Variants in ARSB observed in about 807,000 individuals in gnomAD.
ARSB encodes the protein arylsulfatase B, also known as N-acetylgalactosamine-4-sulfatase.
A neutral mutation model predicts 50.9 loss-of-function variants in ARSB; 41 were observed. The ratio of observed to expected loss-of-function variants is 0.81; its 90% CI spans 0.63 to 1.04. ARSB has a LOEUF of 1.04. ARSB is among the 50% of genes least tolerant of loss of function. The pLI is 0.00. For missense variants in ARSB, 672 were observed against 693.3 expected (o/e 0.97, Z 0.35); for synonymous variants, 269 against 284.8 (o/e 0.94, Z 0.56).
chr5:78,959,161 G>A (rs191167885), intron 3 of ARSB, among the ~76,000 whole-genome samples: 137 of 152,242 alleles, frequency 9.0e-4, no homozygotes, highest in African/African-American at 3.0e-3. Flanking sequence ...CACAAGGTCT[G>A]CTGGTTTTAT....
At position 78,866,710 on chromosome 5, in the gene ARSB, T is replaced by C. The variant is rs115496155; in HGVS notation, c.1142+18874A>G. Among the ~76,000 whole-genome samples, 1,312 of 152,058 alleles carry C rather than the reference T, an allele frequency of 8.6e-3. 16 individuals are homozygous for C. Among genetic ancestry groups the C allele is most frequent in the African/African-American group, 0.03 (1,238 of 41,444 alleles). On this transcript the variant is annotated intron_variant, in intron 5 of 7. Coordinates refer to ENST00000264914, the MANE Select transcript of ARSB (RefSeq NM_000046.5). ...TGAAGAACAAGTGTCCTTTGGAAGA[T>C]GGATGGTAAAGGGAAGGAAGGACAT...
intron 6 of ARSB, among the ~76,000 whole-genome samples, chr5:78,784,998 C>T (rs1393604874): frequency 6.6e-6 from 1 of 152,032 alleles, no homozygotes. Flanking sequence ...CAGAGTTTCA[C>T]CATGTTGGCC....
At chr5:78,867,960 T>C (rs1294379244) in intron 5 of ARSB, among the ~76,000 whole-genome samples, 2 of 111,826 alleles carry the variant, frequency 1.8e-5, no homozygotes, top group Non-Finnish European at 3.7e-5. Context: ...TACAGAGAAG[T>C]GCTTAAAGGA....
At position 78,885,689 on chromosome 5, in the gene ARSB, T is replaced by C. The variant is rs1242149769; in HGVS notation, c.1037A>G (p.Glu346Gly). 6.2e-7 allele frequency: 1 copy of C among 1,614,008 alleles called. No homozygotes were observed. Among genetic ancestry groups the C allele is most frequent in the African/African-American group, 1.3e-5 (1 of 74,980 alleles). The change falls in exon 5 of 8, where the codon GAG (glutamate) becomes GGG (glycine). Residue 346 changes from glutamate (E) to glycine (G), a missense_variant. Glu to Gly is a moderately conservative substitution (Grantham distance 98, BLOSUM62 -2). Transcript: ENST00000264914. ...LLKQKGVKNRELIHISDWLPT... is the reference protein window; with the variant it reads ...LLKQKGVKNRGLIHISDWLPT... ...CAGCCAGTCAGAGATGTGGATGAGCTCCCGGTTCTTCACGCCCTTCTGCTT... is the reference window on the plus strand; with the variant it reads ...CAGCCAGTCAGAGATGTGGATGAGCCCCCGGTTCTTCACGCCCTTCTGCTT...
chr5:78,953,961 C>T (rs1751592810), intron 4 of ARSB, among the ~76,000 whole-genome samples: 1 of 151,966 alleles, frequency 6.6e-6, no homozygotes, highest in Non-Finnish European at 1.5e-5. Flanking sequence ...AAAAACAGAA[C>T]TTCACAAAAA....
chr5:78,854,062 C>A (rs1746012449), intron 5 of ARSB, among the ~76,000 whole-genome samples: 1 of 152,234 alleles, frequency 6.6e-6, no homozygotes, highest in African/African-American at 2.4e-5. Flanking sequence ...GTGCGCTGCA[C>A]CCACTGTCCT....
chr5:78,901,841 T>G (rs1026408396), intron 4 of ARSB, among the ~76,000 whole-genome samples: 2 of 152,080 alleles, frequency 1.3e-5, no homozygotes, highest in African/African-American at 4.8e-5. Flanking sequence ...TTATACCCAA[T>G]AGGATTACTA....
rs1743813076 is a variant in ARSB at position 78,811,759 on chromosome 5, C to A, written c.1213+27597G>T. On this transcript the variant is annotated intron_variant, in intron 6 of 7. Coordinates refer to ENST00000264914, the MANE Select transcript of ARSB (RefSeq NM_000046.5). ...AGTCTCTTATGGGTGTATCAACATT[C>A]ATAATTATATAGTTATCTCAGGAAC... Among the ~76,000 whole-genome samples, 3 of 152,134 alleles carry A rather than the reference C, an allele frequency of 2.0e-5. No individual in the cohort carries two copies. The South Asian group carries it at 6.2e-4, about 32-fold the overall frequency.
chr5:78,837,969 C>T (rs568725657), intron 6 of ARSB, among the ~76,000 whole-genome samples: 33 of 152,310 alleles, frequency 2.2e-4, no homozygotes, highest in African/African-American at 7.7e-4. Flanking sequence ...CCTTTCCTGT[C>T]CAGGTCTTAA....
At chr5:78,892,571 A>G (rs1748364358) in intron 4 of ARSB, among the ~76,000 whole-genome samples, 2 of 152,068 alleles carry the variant, frequency 1.3e-5, no homozygotes, top group Non-Finnish European at 2.9e-5. Flanking sequence ...TCTCTATTCT[A>G]TAGGTAATTT....
At chr5:78,937,416 G>A (rs1370118004) in intron 4 of ARSB, among the ~76,000 whole-genome samples, 1 of 132,646 alleles carries the variant, frequency 7.5e-6, no homozygotes, top group Non-Finnish European at 1.5e-5. Context: ...ATATATGTAA[G>A]ATATATATAT....
At position 78,842,230 on chromosome 5, in the gene ARSB, A is replaced by G. The variant is rs1040614891; in HGVS notation, c.1143-2804T>C. ...GGGTTCAAGTCACCTGGAGAAGACAATCTGGGGGCATGGGACAGAAACGGA... is the reference window on the plus strand; with the variant it reads ...GGGTTCAAGTCACCTGGAGAAGACAGTCTGGGGGCATGGGACAGAAACGGA... On this transcript the variant is annotated intron_variant, in intron 5 of 7. Coordinates refer to ENST00000264914, the MANE Select transcript of ARSB (RefSeq NM_000046.5). Among the ~76,000 whole-genome samples the G allele has an allele frequency of 8.5e-5, 13 of 152,216 alleles. 1 individual carries two copies. The highest frequency in any genetic ancestry group is 5.9e-4 in the Admixed American group (9 of 15,280).
chr5:78,820,492 T>C (rs1397023844), intron 6 of ARSB, among the ~76,000 whole-genome samples: 2 of 151,616 alleles, frequency 1.3e-5, no homozygotes, highest in East Asian at 3.9e-4. Flanking sequence ...ACCCGGGAGG[T>C]AGAGGTTGCA....
At chr5:78,929,007 G>C (rs1013088863) in intron 4 of ARSB, among the ~76,000 whole-genome samples, 1 of 151,990 alleles carries the variant, frequency 6.6e-6, no homozygotes, top group South Asian at 2.1e-4. Flanking sequence ...CCTGCTCTCC[G>C]TGTCCATTGC....
At chr5:78,855,743 C>CAGGT (rs1746110188) in intron 5 of ARSB, among the ~76,000 whole-genome samples, 1 of 152,138 alleles carries the variant, frequency 6.6e-6, no homozygotes, top group Non-Finnish European at 1.5e-5. Flanking sequence ...CCCCAGTGCT[C>CAGGT]AGGTCTGTAG....
chr5:78,929,831 T>C (rs898260041), intron 4 of ARSB, among the ~76,000 whole-genome samples: 1 of 151,332 alleles, frequency 6.6e-6, no homozygotes, highest in Non-Finnish European at 1.5e-5. Flanking sequence ...TGTATCTTAC[T>C]GATCTTCAGA....
chr5:78,984,810 C>G (rs1753080021), intron 1 of ARSB, 127 bp downstream of exon 1: 1 of 706,872 alleles, frequency 1.4e-6, no homozygotes, highest in East Asian at 4.5e-5. Flanking sequence ...GCCGCCGGGA[C>G]CCATAACTGG....
rs965138684 is a variant in ARSB, at chr5:78,781,834, C to T, written c.1336+18G>A. On this transcript the variant is annotated intron_variant, in intron 7 of 7. Coordinates refer to ENST00000264914, the MANE Select transcript of ARSB (RefSeq NM_000046.5). Reference sequence around the variant, plus strand: ...TGTCTACCACGGGAAGGGAAGTTTGCTAAGCTAAGGACTCTACCTGGGTAG... The same window carrying T: ...TGTCTACCACGGGAAGGGAAGTTTGTTAAGCTAAGGACTCTACCTGGGTAG... The T allele has an allele frequency of 2.5e-6, 4 of 1,613,876 alleles. No homozygotes were observed. Among genetic ancestry groups the T allele is most frequent in the Non-Finnish European group, 2.5e-6 (3 of 1,179,910 alleles).
intron 3 of ARSB, among the ~76,000 whole-genome samples, chr5:78,957,080 G>T (rs1320650373): frequency 6.6e-6 from 1 of 152,106 alleles, no homozygotes; most frequent in Non-Finnish European, 1.5e-5. Context: ...TTTAACATTA[G>T]TGGCATACCA....
Sources: allele counts gnomAD v4.1 joint callset (sites outside exome capture counted in the v4.1 genomes callset), GRCh38; gene constraint gnomAD v4.1.1; transcripts MANE v1.5; gene names NCBI Gene and HGNC (gene_info 2026-07-23, HGNC 2026-07-21).